RNF38: variants seen among roughly 807,000 people sequenced by gnomAD.
RNF38 encodes the protein E3 ubiquitin-protein ligase RNF38.
A neutral mutation model predicts 67.2 loss-of-function variants in RNF38; 15 were observed. The ratio of observed to expected loss-of-function variants is 0.22; its 90% confidence interval spans 0.15 to 0.34. The LOEUF is 0.34. RNF38 is among the 10% of genes least tolerant of loss of function. The pLI, the probability that RNF38 is intolerant of heterozygous loss-of-function variation, is 1.00. For missense variants in RNF38, 524 were observed against 639.9 expected (o/e 0.82, Z 1.95); for synonymous variants, 220 against 218.8 (o/e 1.01, Z -0.05).
intron 11 of RNF38, among the ~76,000 whole-genome samples, 157 bp from the exon 12 acceptor site, chr9:36,339,971 C>T (rs976893557): frequency 4.6e-5 from 4 of 86,602 alleles, no homozygotes; most frequent in Admixed American, 1.5e-4. Context: ...CATAAACCTC[C>T]GAATTAGCCC....
At chr9:36,454,505 ATAT>A in intron 1 of RNF38, among the ~76,000 whole-genome samples, 1 of 152,040 alleles carries the variant, frequency 6.6e-6, no homozygotes. Flanking sequence ...CATTGCACAA[ATAT>A]TATGTTAGGT....
chr9:36,368,551 G>A (rs1409316050), intron 4 of RNF38, among the ~76,000 whole-genome samples: 1 of 152,098 alleles, frequency 6.6e-6, no homozygotes, highest in African/African-American at 2.4e-5. Context: ...TGCTCAAGGG[G>A]ATGGGGAGAA....
At position 36,428,753 on chromosome 9, in the gene RNF38, T is replaced by C. The variant is rs1220637500; in HGVS notation, n.242-4070A>G. Among the ~76,000 whole-genome samples, 4 of 152,142 alleles carry C rather than the reference T, an allele frequency of 2.6e-5. No homozygotes were observed. The East Asian group carries it at 7.7e-4, about 29-fold the overall frequency. Reference sequence around the variant, plus strand: ...GGGGAAGTGACCTCTCTTCTTACATTCAGGGCTATATTTCTTGAAAGGTCC... The same window carrying C: ...GGGGAAGTGACCTCTCTTCTTACATCCAGGGCTATATTTCTTGAAAGGTCC... On this transcript the variant is annotated intron_variant and non_coding_transcript_variant, in intron 1 of 3. Coordinates refer to the RNF38 transcript ENST00000488058.
chr9:36,430,146 T>C (rs1411462637), intron 1 of RNF38, among the ~76,000 whole-genome samples: 2 of 152,290 alleles, frequency 1.3e-5, no homozygotes, highest in African/African-American at 4.8e-5. Flanking sequence ...ATTCCAGAAA[T>C]AGATAAGACC....
At chr9:36,434,653 T>G (rs1246666634) in intron 1 of RNF38, among the ~76,000 whole-genome samples, 2 of 152,148 alleles carry the variant, frequency 1.3e-5, no homozygotes, top group Non-Finnish European at 1.5e-5. Context: ...CCTCCCAAAG[T>G]GCTGGGATTA....
At chr9:36,357,550 AATTT>A (rs1834221707) in intron 5 of RNF38, among the ~76,000 whole-genome samples, 1 of 152,214 alleles carries the variant, frequency 6.6e-6, no homozygotes, top group Admixed American at 6.5e-5. Flanking sequence ...TTATAAAGCT[AATTT>A]TCTTAAATGG....
rs540170493 is a variant in RNF38 at position 36,409,440 on chromosome 9, C to G, written n.312+15173G>C. Among the ~76,000 whole-genome samples, 5 of 152,268 alleles carry G rather than the reference C, an allele frequency of 3.3e-5. No homozygotes were observed. In the South Asian group the frequency reaches 1.0e-3, roughly 32 times the overall value. ...GACCACGAAGAGAAGTCGCTGAAAA[C>G]AGACATGGGAATCACAGTCTTAAGA... On this transcript the variant is annotated intron_variant and non_coding_transcript_variant, in intron 2 of 3. Transcript: ENST00000488058.
At chr9:36,428,636 C>T (rs904920462) in intron 1 of RNF38, among the ~76,000 whole-genome samples, 21 of 152,042 alleles carry the variant, frequency 1.4e-4, no homozygotes, top group Non-Finnish European at 2.1e-4. Context: ...CTTTGAGTAA[C>T]AGCATTATTC....
At chr9:36,457,987 C>G (rs16933314) in intron 1 of RNF38, among the ~76,000 whole-genome samples, 7,754 of 152,264 alleles carry the variant, frequency 0.051, 599 homozygotes, top group African/African-American at 0.17. Context: ...AGAGAACCAT[C>G]ATGCCAAAAA....
intron 9 of RNF38, among the ~76,000 whole-genome samples, chr9:36,347,931 C>T (rs917677823): frequency 6.6e-6 from 1 of 152,026 alleles, no homozygotes; most frequent in East Asian, 1.9e-4. Context: ...AAAAAATGAG[C>T]CGGTCATGGT....
chr9:36,400,048 C>T, intron 1 of RNF38, 49 bp downstream of exon 1: 1 of 1,558,938 alleles, frequency 6.4e-7, no homozygotes, highest in Non-Finnish European at 8.8e-7. Context: ...CCAACTTTTA[C>T]TGAATAATAG....
At chr9:36,423,948 CAAAAAAAA>C (rs1176900248) in intron 2 of RNF38, among the ~76,000 whole-genome samples, 1 of 7,408 alleles carries the variant, frequency 1.3e-4, no homozygotes, top group African/African-American at 4.4e-4. Flanking sequence ...GACTCCGTCT[CAAAAAAAA>C]AAAAAAAAAA....
intron 4 of RNF38, among the ~76,000 whole-genome samples, chr9:36,367,919 T>G (rs1299401456): frequency 6.6e-6 from 1 of 152,238 alleles, no homozygotes; most frequent in Non-Finnish European, 1.5e-5. Context: ...TGGCACGAGC[T>G]TGGCTCACTG....
At chr9:36,404,915 G>GTT (rs35610341), upstream of RNF38, among the ~76,000 whole-genome samples, 32 of 150,682 alleles carry the variant, frequency 2.1e-4, no homozygotes, top group African/African-American at 2.4e-4. Flanking sequence ...TTGTAGTTTT[G>GTT]TTTTTTTTTA....
chr9:36,435,184 C>A (rs1839034730), intron 1 of RNF38, among the ~76,000 whole-genome samples: 1 of 152,194 alleles, frequency 6.6e-6, no homozygotes, highest in Admixed American at 6.6e-5. Flanking sequence ...CGAAGCAGGA[C>A]AGGCATCAAA....
chr9:36,480,817 T>C (rs900388458), intron 1 of RNF38, among the ~76,000 whole-genome samples: 2 of 151,900 alleles, frequency 1.3e-5, no homozygotes, highest in Non-Finnish European at 2.9e-5. Flanking sequence ...CCCAAAGTGC[T>C]GGGATTACAG....
At chr9:36,350,875 T>C (rs969748936) in intron 9 of RNF38, among the ~76,000 whole-genome samples, 2 of 152,232 alleles carry the variant, frequency 1.3e-5, no homozygotes, top group Non-Finnish European at 2.9e-5. Flanking sequence ...TGGCTCTGAA[T>C]GTGGCCCAAC....
chr9:36,415,922 G>C (rs1838453121), intron 2 of RNF38, among the ~76,000 whole-genome samples: 1 of 151,892 alleles, frequency 6.6e-6, no homozygotes, highest in Admixed American at 6.6e-5. Context: ...TGCTGTAATG[G>C]CTTCAGTTGG....
At chr9:36,457,949 G>C (rs1478459087) in intron 1 of RNF38, among the ~76,000 whole-genome samples, 1 of 152,178 alleles carries the variant, frequency 6.6e-6, no homozygotes, top group Non-Finnish European at 1.5e-5. Context: ...AGGTTGAGAA[G>C]AGCCCTAGCT....
Sources: allele counts gnomAD v4.1 joint callset (sites outside exome capture counted in the v4.1 genomes callset), GRCh38; gene constraint gnomAD v4.1.1; transcripts MANE v1.5; gene names NCBI Gene and HGNC (gene_info 2026-07-23, HGNC 2026-07-21).